TBCD: variants seen among roughly 807,000 people sequenced by gnomAD.
The protein encoded by TBCD is tubulin-specific chaperone D.
A neutral mutation model predicts 169.3 loss-of-function variants in TBCD; 105 were observed. The observed-to-expected ratio is 0.62, with a 90% CI of 0.53 to 0.73. The LOEUF (loss-of-function observed/expected upper bound fraction) is 0.73. TBCD is among the 30% of genes least tolerant of loss of function. The pLI is 0.00. For missense variants in TBCD, 1,444 were observed against 1,600.1 expected, an observed-to-expected ratio of 0.90 and a Z score of 1.66; for synonymous variants, 700 against 643.9, an observed-to-expected ratio of 1.09 and a Z score of -1.32.
At chr17:82,829,105 C>T (rs892661284) in intron 13 of TBCD, among the ~76,000 whole-genome samples, 1 of 149,858 alleles carries the variant, frequency 6.7e-6, no homozygotes, top group Middle Eastern at 3.4e-3. Context: ...TGAATGCGCA[C>T]CCCCCACAGA....
At position 82,781,603 on chromosome 17, in the gene TBCD, C is replaced by G. The variant is rs779456572; in HGVS notation, c.653C>G (p.Pro218Arg). 9.3e-6 allele frequency: 15 copies of G among 1,613,592 alleles called. No individual in the cohort carries two copies. In the Admixed American group the frequency reaches 2.5e-4, roughly 27 times the overall value. ...AVLVSRFITR[P>R]DVKQSKMAEF... ...CCTTTTGGCAGATTTATCACACGTC[C>G]TGATGTCAAGCAAAGCAAGATGGCT... Residue 218 changes from proline to arginine, a missense_variant, in exon 7 of 39, where the codon CCT becomes CGT. Coordinates refer to ENST00000355528, the MANE Select transcript of TBCD (RefSeq NM_005993.5).
chr17:82,820,307 T>C (rs2052309411), intron 13 of TBCD, among the ~76,000 whole-genome samples: 1 of 152,238 alleles, frequency 6.6e-6, no homozygotes, highest in Non-Finnish European at 1.5e-5. Context: ...AATGTATACA[T>C]GTGCTCCTTA....
chr17:82,870,538 C>T (rs1321609083), intron 14 of TBCD, among the ~76,000 whole-genome samples, 158 bp downstream of exon 14: 2 of 152,240 alleles, frequency 1.3e-5, no homozygotes, highest in African/African-American at 4.8e-5. Context: ...AGGTCAAGCT[C>T]CTTTTCTGTG....
intron 23 of TBCD, among the ~76,000 whole-genome samples, chr17:82,919,539 G>T (rs2061286753): frequency 6.6e-6 from 1 of 152,112 alleles, no homozygotes; most frequent in African/African-American, 2.4e-5. Context: ...GGGCAGAGCA[G>T]ACGTGTGGGC....
Position 82,930,201 on chromosome 17 carries a change from T to G in TBCD, c.2992-321T>G. 1 of 355,174 alleles carries G rather than the reference T, an allele frequency of 2.8e-6. No individual in the cohort carries two copies. Among genetic ancestry groups the G allele is most frequent in the Non-Finnish European group, 5.2e-6 (1 of 191,978 alleles). 22.0% of individuals were successfully genotyped at this position (355,174 alleles called of 1,614,324 possible). A position where few individuals can be genotyped will look rare whatever the true frequency, so the allele number is the denominator to read the frequency against. ...ATTCTGCACTCGGGAATTGCGGGGATTATCAAATCCCGCTTCAGTGGGAAA... is the reference window on the plus strand; with the variant it reads ...ATTCTGCACTCGGGAATTGCGGGGAGTATCAAATCCCGCTTCAGTGGGAAA... On this transcript the variant is annotated intron_variant, in intron 32 of 38. Transcript: ENST00000355528. This position sits in a 1 kb window ranked among gnomAD's most constrained non-coding sequence, Gnocchi z 5.2.
At chr17:82,892,520 T>G (rs911207092) in intron 16 of TBCD, among the ~76,000 whole-genome samples, 2 of 152,112 alleles carry the variant, frequency 1.3e-5, no homozygotes, top group Non-Finnish European at 2.9e-5. Flanking sequence ...ACCTGCTCAT[T>G]CCGGCCTCTC....
At chr17:82,898,709 G>C (rs1023453971) in intron 17 of TBCD, among the ~76,000 whole-genome samples, 2 of 151,978 alleles carry the variant, frequency 1.3e-5, no homozygotes, top group Non-Finnish European at 2.9e-5. Flanking sequence ...CATATGTGTT[G>C]GTAGGGATCG....
chr17:82,937,201 A>T, intron 34 of TBCD, 70 bp from the exon 35 acceptor site: 1 of 1,444,028 alleles, frequency 6.9e-7, no homozygotes, highest in Non-Finnish European at 9.7e-7. Flanking sequence ...ACCTTCTTTG[A>T]GACAGAAAAA....
rs953376583 is a variant in TBCD at position 82,831,916 on chromosome 17, T to A, written c.1318+16982T>A. The A allele has an allele frequency of 6.2e-7, 1 of 1,614,044 alleles. No individual in the cohort carries two copies. Among genetic ancestry groups the A allele is most frequent in the Non-Finnish European group, 8.5e-7 (1 of 1,180,040 alleles). The stretch of plus-strand genomic sequence containing the variant: ...AGTGGGGTTGTGTAAAGCCAGTGTC[T>A]CGGGCGCCTCGGCGTTGTCTGGCCC... On this transcript the variant is annotated intron_variant, in intron 13 of 38. Coordinates refer to ENST00000355528, the MANE Select transcript of TBCD (RefSeq NM_005993.5). The surrounding 1 kb of genome is among the most constrained non-coding windows in gnomAD (Gnocchi z 4.6).
chr17:82,859,596 G>A (rs2056598047), intron 13 of TBCD: 2 of 985,464 alleles, frequency 2.0e-6, no homozygotes, highest in Non-Finnish European at 2.4e-6. Flanking sequence ...CGGCACTGCA[G>A]ACTCCAAGTG....
rs372946538 is a variant in TBCD at position 82,864,582 on chromosome 17, C to T, written c.1319-5642C>T. ...CCTTGACAGAGGGTCCTTGACTCTG[C>T]GACCCTGCACAGTGGGTGGTGGCAG... On this transcript the variant is annotated intron_variant, in intron 13 of 38. Transcript: ENST00000355528. This position sits in a 1 kb window ranked among gnomAD's most constrained non-coding sequence, Gnocchi z 6.3. Among the ~76,000 whole-genome samples the T allele has an allele frequency of 5.6e-4, 86 of 152,304 alleles. No individual in the cohort carries two copies. Among genetic ancestry groups the T allele is most frequent in the Admixed American group, 1.7e-3 (26 of 15,304 alleles).
chr17:82,786,689 G>A (rs2144403881), intron 7 of TBCD, among the ~76,000 whole-genome samples: 1 of 152,312 alleles, frequency 6.6e-6, no homozygotes, highest in East Asian at 1.9e-4. Context: ...GTGGGCCACT[G>A]CGTTCAGGCT....
chr17:82,928,436 G>T (rs1448054395), intron 30 of TBCD, among the ~76,000 whole-genome samples: 2 of 152,160 alleles, frequency 1.3e-5, no homozygotes, highest in East Asian at 1.9e-4. Flanking sequence ...TCTGTCGGGG[G>T]CACGGGGTTG....
chr17:82,913,932 C>G (rs976004911), intron 23 of TBCD: 1 of 152,274 alleles, frequency 6.6e-6, no homozygotes, highest in African/African-American at 2.4e-5. Context: ...TCGTGGGCAG[C>G]TTTCCACGCG....
chr17:82,914,962 G>C (rs976392131), intron 23 of TBCD, among the ~76,000 whole-genome samples: 4 of 152,158 alleles, frequency 2.6e-5, no homozygotes, highest in African/African-American at 9.7e-5. Flanking sequence ...TTTTCCAAAG[G>C]CAACCCTTTC....
At chr17:82,838,540 C>A (rs2054181289) in intron 13 of TBCD, 1 of 606,708 alleles carries the variant, frequency 1.6e-6, no homozygotes. Flanking sequence ...GCTGTAATTA[C>A]AATATTGTGA....
chr17:82,906,368 C>T (rs1279917292), intron 20 of TBCD, among the ~76,000 whole-genome samples: 1 of 152,258 alleles, frequency 6.6e-6, no homozygotes, highest in African/African-American at 2.4e-5. Flanking sequence ...AGGTGACAAG[C>T]GAGGTCATAA....
chr17:82,801,078 G>C, intron 9 of TBCD, 82 bp downstream of exon 9: 202 of 1,390,560 alleles, frequency 1.5e-4, no homozygotes, highest in Non-Finnish European at 1.8e-4. Flanking sequence ...ATTGATGAGG[G>C]CGGGGCAGGT....
At chr17:82,925,631 CT>C (rs938531928) in intron 27 of TBCD, among the ~76,000 whole-genome samples, 3 of 152,220 alleles carry the variant, frequency 2.0e-5, no homozygotes, top group Non-Finnish European at 2.9e-5. Flanking sequence ...GGGATCCAGC[CT>C]TGGCACTTCA....
Sources: gnomAD v4.1 joint callset for allele counts (sites outside exome capture counted in the v4.1 genomes callset) on GRCh38, gnomAD v4.1.1 for gene constraint, Gnocchi (gnomAD v3.1) non-coding constraint, MANE v1.5 for transcripts, NCBI Gene and HGNC (gene_info 2026-07-23, HGNC 2026-07-21) for gene names.